Variants in ELK4 observed in about 807,000 individuals in gnomAD.
ELK4 encodes the protein ETS transcription factor ELK4, also known as ETS domain-containing protein Elk-4.
A neutral mutation model predicts 29.6 loss-of-function variants in ELK4; 16 were observed. That is an observed-to-expected ratio of 0.54 (90% confidence interval 0.37 to 0.82). The LOEUF is 0.82. Ranked by LOEUF, ELK4 falls within the 40% of genes least tolerant of loss-of-function variation. The pLI is 0.00. For synonymous variants in ELK4, 213 were observed against 191.1 expected (o/e 1.11, Z -0.95); for missense variants, 465 against 507.1 (o/e 0.92, Z 0.80).
At chr1:205,624,962 G>T (rs1319181682) in intron 1 of ELK4, among the ~76,000 whole-genome samples, 1 of 152,102 alleles carries the variant, frequency 6.6e-6, no homozygotes, top group Admixed American at 6.5e-5. Flanking sequence ...GAATTCTTTA[G>T]GGCAGAAACT....
intron 3 of ELK4, chr1:205,619,492 GGT>G (rs1393536972): frequency 4.6e-6 from 5 of 1,080,022 alleles, no homozygotes; most frequent in Admixed American, 5.1e-5. Context: ...TTAATAATGA[GGT>G]GTGTGAAAAA....
At position 205,620,247 on chromosome 1, in the gene ELK4, T is replaced by C; in HGVS notation, c.799A>G (p.Thr267Ala). The C allele has an allele frequency of 1.9e-6, 3 of 1,614,160 alleles. No homozygotes were observed. In the South Asian group the frequency reaches 3.3e-5, roughly 18 times the overall value. The change falls in exon 3 of 5, where the codon ACA becomes GCA. Residue 267 changes from threonine to alanine, a missense_variant. Transcript: ENST00000357992. ...SIPPLQEPPR[T>A]PSPPLSSHPD... The stretch of plus-strand genomic sequence containing the variant: ...TGAGAACTCAGTGGTGGTGAAGGTG[T>C]TCTGGGAGGTTCCTGCAAAGGGGGT...
chr1:205,630,694 C>G (rs960000211), intron 1 of ELK4, among the ~76,000 whole-genome samples: 6 of 152,170 alleles, frequency 3.9e-5, no homozygotes, highest in Non-Finnish European at 5.9e-5. Flanking sequence ...TAGGAATGAA[C>G]AGATTCCACT....
At chr1:205,629,851 A>G (rs2867891) in intron 1 of ELK4, among the ~76,000 whole-genome samples, 120,801 of 152,152 alleles carry the variant, frequency 0.79, 48,256 homozygotes, top group East Asian at 0.96. Flanking sequence ...TCAGGAGTTC[A>G]CGACTGGCCT....
At position 205,616,108 on chromosome 1, in the gene ELK4, T is replaced by G. The variant is rs1426692578; in HGVS notation, c.*438A>C. ...CACACTTAGTCCTAAAGATGCCAAT[T>G]CATTTCACAAATATTTCTTTAAATA... is the stretch of plus-strand genomic sequence containing the variant. On this transcript the variant is annotated 3_prime_UTR_variant, in exon 5 of 5. Coordinates refer to ENST00000357992, the MANE Select transcript of ELK4 (RefSeq NM_001973.4). 1 of 239,508 alleles carries G rather than the reference T, an allele frequency of 4.2e-6. No homozygotes were observed. Among genetic ancestry groups the G allele is most frequent in the Non-Finnish European group, 8.3e-6 (1 of 120,512 alleles). The allele number at this position is 239,508 out of a possible 1,614,324, so 14.8% of individuals were successfully genotyped here.
At chr1:205,618,313 GAC>G (rs1332241327) in intron 4 of ELK4, among the ~76,000 whole-genome samples, 1 of 151,872 alleles carries the variant, frequency 6.6e-6, no homozygotes, top group Non-Finnish European at 1.5e-5. Flanking sequence ...TTACAGGCAT[GAC>G]ACACACACTG....
intron 1 of ELK4, among the ~76,000 whole-genome samples, chr1:205,624,618 T>C (rs969994807): frequency 6.6e-6 from 1 of 152,218 alleles, no homozygotes; most frequent in Non-Finnish European, 1.5e-5. Flanking sequence ...AAAAATATTT[T>C]AATATCTTAA....
rs1670185842 is a variant in ELK4, at chr1:205,613,540, T to G, written c.*3006A>C. On this transcript the variant is annotated 3_prime_UTR_variant, in exon 5 of 5. Transcript: ENST00000357992. Reference sequence around the variant, plus strand: ...ACATCCTTTCTGAACTCTAAGGTGGTAGCTTGAAATCAGCCACAGGAGGAG... The same window carrying G: ...ACATCCTTTCTGAACTCTAAGGTGGGAGCTTGAAATCAGCCACAGGAGGAG... 1 of 182,266 alleles carries G rather than the reference T, an allele frequency of 5.5e-6. No individual in the cohort carries two copies. Among genetic ancestry groups the G allele is most frequent in the Admixed American group, 6.3e-5 (1 of 15,968 alleles). 11.3% of individuals were successfully genotyped at this position (182,266 alleles called of 1,614,324 possible).
Position 205,620,790 on chromosome 1 carries a change from A to C in ELK4, c.256T>G (p.Ser86Ala). Residue 86 changes from serine (S) to alanine (A), a missense_variant, in exon 3 of 5, where the codon TCT becomes GCT. Physicochemically the swap from Ser to Ala is moderately conservative, Grantham distance 99 (BLOSUM62 1). Coordinates refer to ENST00000357992, the MANE Select transcript of ELK4 (RefSeq NM_001973.4). ...NGQKFVYKFV[S>A]YPEILNMDPM... ...TCCATGTTCAAAATCTCTGGATAAG[A>C]GACAAACTTGTACACAAACTTCTGA... The C allele has an allele frequency of 6.2e-7, 1 of 1,613,772 alleles. No individual in the cohort carries two copies. The highest frequency in any genetic ancestry group is 8.5e-7 in the Non-Finnish European group (1 of 1,179,994).
intron 1 of ELK4, among the ~76,000 whole-genome samples, chr1:205,628,569 C>T (rs758926401): frequency 6.6e-6 from 1 of 152,154 alleles, no homozygotes; most frequent in Non-Finnish European, 1.5e-5. Flanking sequence ...AGTCTTAATA[C>T]CTATTATGTA....
rs905768319 is a variant in ELK4, at chr1:205,608,353, C to T, written c.*8193G>A. The T allele has an allele frequency of 5.2e-6, 1 of 192,716 alleles. No individual in the cohort carries two copies. The highest frequency in any genetic ancestry group is 2.3e-5 in the African/African-American group (1 of 42,922). 11.9% of individuals were successfully genotyped at this position (192,716 alleles called of 1,614,324 possible). A position where few individuals can be genotyped will look rare whatever the true frequency, so the allele number is the denominator to read the frequency against. On this transcript the variant is annotated 3_prime_UTR_variant, in exon 5 of 5. Transcript: ENST00000357992. The stretch of plus-strand genomic sequence containing the variant: ...TTGCATCCTTTCGCTCACCTCTCTA[C>T]ACTCTATAAAGTTTCTCTGCCGTAT...
chr1:205,619,066 A>T lies in ELK4; in HGVS notation c.1088T>A (p.Ile363Asn), dbSNP rs751863514. 6.3e-7 allele frequency: 1 copy of T among 1,589,756 alleles called. No individual in the cohort carries two copies. The highest frequency in any genetic ancestry group is 8.5e-7 in the Non-Finnish European group (1 of 1,170,490). Reference sequence around the variant, plus strand: ...GAGCAAGGGGCTTGGAGTCAGTATGATGGGTGTCTGCAATACACAAAGCAA... The same window carrying T: ...GAGCAAGGGGCTTGGAGTCAGTATGTTGGGTGTCTGCAATACACAAAGCAA... The part of the protein sequence containing the change: ...LTPAFFSQTP[I>N]ILTPSPLLSS... Residue 363 changes from isoleucine (I) to asparagine (N), a missense_variant, in exon 4 of 5, where the codon ATC becomes AAC. Around this residue, in one of 2 missense-constraint regions of ELK4, gnomAD observed 80 missense variants for 119.6 expected, o/e 0.67. Transcript: ENST00000357992.
intron 4 of ELK4, among the ~76,000 whole-genome samples, chr1:205,617,965 A>ATGTGTGTGTGTGTGTGTGTGTGTG: frequency 6.8e-6 from 1 of 147,602 alleles, no homozygotes; most frequent in South Asian, 2.2e-4. Flanking sequence ...TCCCCCATAT[A>ATGTGTGTGTGTGTGTGTGTGTGTG]TGTGTGTGTG....
chr1:205,618,868 G>T, intron 4 of ELK4, 89 bp downstream of exon 4: 1 of 957,098 alleles, frequency 1.0e-6, no homozygotes, highest in Non-Finnish European at 1.6e-6. Context: ...GTTTTATAAT[G>T]ATTAAACTGA....
At chr1:205,623,520 G>A (rs1422836658) in intron 2 of ELK4, among the ~76,000 whole-genome samples, 156 bp downstream of exon 2, 1 of 151,944 alleles carries the variant, frequency 6.6e-6, no homozygotes, top group African/African-American at 2.4e-5. Context: ...TCACCACATC[G>A]GTTAGGCTGG....
intron 2 of ELK4, 23 bp from the exon 3 acceptor site, chr1:205,620,861 T>G (rs751677419): frequency 1.1e-5 from 18 of 1,572,282 alleles, no homozygotes; most frequent in Non-Finnish European, 1.5e-5. Context: ...AAAAAAAGCA[T>G]TTTTATCCTT....
Position 205,619,560 on chromosome 1 carries a change from C to T in ELK4, c.1080+406G>A, listed in dbSNP as rs1670293553. 6 of 1,163,024 alleles carry T rather than the reference C, an allele frequency of 5.2e-6. No homozygotes were observed. The South Asian group carries it at 2.1e-4, about 42-fold the overall frequency. The allele number at this position is 1,163,024 out of a possible 1,614,324, so 72.0% of individuals were successfully genotyped here. Reference sequence around the variant, plus strand: ...TTAATAAATAGCTAAAGTAACTGTACCAACTTGTTACTCAACATCACACCA... The same window carrying T: ...TTAATAAATAGCTAAAGTAACTGTATCAACTTGTTACTCAACATCACACCA... On this transcript the variant is annotated intron_variant, in intron 3 of 4. Transcript: ENST00000357992.
chr1:205,619,938 G>C (rs1242757772), intron 3 of ELK4, 28 bp downstream of exon 3: 1 of 1,614,142 alleles, frequency 6.2e-7, no homozygotes, highest in Admixed American at 1.7e-5. Flanking sequence ...GAAAGCAATG[G>C]TGACACCATA....
intron 2 of ELK4, among the ~76,000 whole-genome samples, 173 bp from the exon 3 acceptor site, chr1:205,621,011 A>G (rs561884730): frequency 4.6e-5 from 7 of 152,068 alleles, no homozygotes; most frequent in African/African-American, 1.7e-4. Flanking sequence ...CCTGGCCAAC[A>G]TGGTGAAACC....
Sources: allele counts gnomAD v4.1 joint callset (sites outside exome capture counted in the v4.1 genomes callset), GRCh38; gene constraint gnomAD v4.1.1; regional missense constraint gnomAD v4.1.1; transcripts MANE v1.5; gene names NCBI Gene and HGNC (gene_info 2026-07-23, HGNC 2026-07-21).